The following AP3S2 variants were observed in gnomAD, a reference collection of about 807,000 sequenced individuals.
AP3S2 encodes adaptor related protein complex 3 subunit sigma 2.
In AP3S2, 22 loss-of-function variants were observed where a neutral mutation model predicts 23.4. The ratio of observed to expected loss-of-function variants is 0.94; its 90% CI spans 0.67 to 1.34. The LOEUF (loss-of-function observed/expected upper bound fraction) is 1.34. Ranked by LOEUF, AP3S2 falls within the 40% of genes most tolerant of loss-of-function variation. The pLI is 0.00. For missense variants in AP3S2, 241 were observed against 236.9 expected, an observed-to-expected ratio of 1.02 and a Z score of -0.11; for synonymous variants, 86 against 87.1, an observed-to-expected ratio of 0.99 and a Z score of 0.07.
intron 4 of AP3S2, among the ~76,000 whole-genome samples, chr15:89,848,363 C>A (rs781172899): frequency 5.3e-5 from 8 of 152,200 alleles, no homozygotes; most frequent in Admixed American, 2.6e-4. Flanking sequence ...GTGCTGATAG[C>A]TTTTTCTTTT....
chr15:89,855,517 T>A (rs1459794398), intron 4 of AP3S2, among the ~76,000 whole-genome samples: 1 of 125,756 alleles, frequency 8.0e-6, no homozygotes, highest in Non-Finnish European at 1.6e-5. Context: ...ACCCAAGAAT[T>A]ATCAATAAAA....
chr15:89,890,635 G>A (rs1466378427), intron 1 of AP3S2, among the ~76,000 whole-genome samples: 1 of 152,142 alleles, frequency 6.6e-6, no homozygotes, highest in Non-Finnish European at 1.5e-5. Flanking sequence ...AAGCACCCAG[G>A]CAATAACATT....
At chr15:89,869,726 G>A (rs371351187) in intron 4 of AP3S2, among the ~76,000 whole-genome samples, 2 of 151,910 alleles carry the variant, frequency 1.3e-5, no homozygotes, top group Admixed American at 6.6e-5. Flanking sequence ...TGGTAACTTC[G>A]AAAGTAACAC....
intron 4 of AP3S2, among the ~76,000 whole-genome samples, chr15:89,850,252 G>A (rs578262569): frequency 6.6e-6 from 1 of 152,234 alleles, no homozygotes; most frequent in Admixed American, 6.5e-5. Flanking sequence ...TTCCCTAGAT[G>A]TCTTCTTGTC....
At chr15:89,856,627 A>G (rs545921030) in intron 4 of AP3S2, among the ~76,000 whole-genome samples, 1 of 149,494 alleles carries the variant, frequency 6.7e-6, no homozygotes, top group Admixed American at 6.8e-5. Flanking sequence ...GCTTGAATCC[A>G]GGAGGCAGAG....
In AP3S2 at chr15:89,837,698, C is replaced by T. The variant is rs759488352; in HGVS notation, c.370G>A (p.Val124Met). Reference protein sequence around the residue: ...DKVHYILQEVVMGGMVLETNM... With the variant: ...DKVHYILQEVMMGGMVLETNM... ...GTTTCCAACACCATCCCACCCATCA[C>T]CACCTCCTGGAGGATGTAGTGCACC... The change falls in exon 5 of 6, where the codon GTG becomes ATG. Residue 124 changes from valine to methionine, a missense_variant. Transcript: ENST00000336418. The T allele has an allele frequency of 4.3e-6, 7 of 1,614,048 alleles. No individual in the cohort carries two copies. The East Asian group carries it at 1.3e-4, about 31-fold the overall frequency.
At chr15:89,891,231 CTG>C (rs1364854317) in intron 1 of AP3S2, among the ~76,000 whole-genome samples, 2 of 152,140 alleles carry the variant, frequency 1.3e-5, no homozygotes, top group Non-Finnish European at 2.9e-5. Flanking sequence ...TTTTAGTACT[CTG>C]TAGTTTTCAA....
At chr15:89,893,766 G>A (rs1031197129) in intron 1 of AP3S2, 115 bp downstream of exon 1, 1 of 1,008,996 alleles carries the variant, frequency 9.9e-7, no homozygotes, top group Admixed American at 2.5e-5. Context: ...GGTCATGCTC[G>A]GTGCAGGAGC....
intron 4 of AP3S2, among the ~76,000 whole-genome samples, chr15:89,839,341 C>T (rs546688299): frequency 1.3e-5 from 2 of 152,320 alleles, no homozygotes; most frequent in Non-Finnish European, 2.9e-5. Flanking sequence ...AATGTATTCC[C>T]TTGCGTGTGT....
At chr15:89,851,783 C>T (rs1371320634) in intron 4 of AP3S2, among the ~76,000 whole-genome samples, 2 of 142,824 alleles carry the variant, frequency 1.4e-5, no homozygotes, top group African/African-American at 5.2e-5. Flanking sequence ...TATTATGAGT[C>T]AGGGTTCTCC....
chr15:89,889,863 C>CAAAAAAAAAAAAA (rs940624860), intron 1 of AP3S2, among the ~76,000 whole-genome samples: 1 of 19,238 alleles, frequency 5.2e-5, no homozygotes, highest in Non-Finnish European at 1.1e-4. Context: ...GACTCCATCT[C>CAAAAAAAAAAAAA]AAAAAAAAAA....
intron 3 of AP3S2, among the ~76,000 whole-genome samples, chr15:89,874,436 T>C (rs1419458718): frequency 1.3e-5 from 2 of 152,194 alleles, no homozygotes; most frequent in African/African-American, 2.4e-5. Context: ...GGGTGCAGTC[T>C]TTCTAGGTAT....
In AP3S2 at chr15:89,830,805, G is replaced by C. The variant is rs1596180240; in HGVS notation, c.*4710C>G. On this transcript the variant is annotated 3_prime_UTR_variant, in exon 6 of 6. Coordinates refer to ENST00000336418, the MANE Select transcript of AP3S2 (RefSeq NM_005829.5). ...CGCTGAGCAAGGGCGGGCAGTGCCA[G>C]GGCTGGGGTGCCACTGTACAGGGTG... The C allele has an allele frequency of 6.6e-6, 1 of 152,638 alleles. No homozygotes were observed. Among genetic ancestry groups the C allele is most frequent in the East Asian group, 1.9e-4 (1 of 5,184 alleles). The allele number at this position is 152,638 out of a possible 1,614,324, so 9.5% of individuals were successfully genotyped here.
chr15:89,838,838 G>A (rs1430784270), intron 4 of AP3S2, among the ~76,000 whole-genome samples: 1 of 152,142 alleles, frequency 6.6e-6, no homozygotes, highest in Non-Finnish European at 1.5e-5. Context: ...ATGTTGGAAG[G>A]AGCAATTCAG....
At chr15:89,891,654 G>A (rs540857441) in intron 1 of AP3S2, among the ~76,000 whole-genome samples, 5,870 of 150,826 alleles carry the variant, frequency 0.039, 193 homozygotes, top group Middle Eastern at 0.061. Flanking sequence ...ATTCAGTCTC[G>A]GAGGGAAAAA....
At chr15:89,881,913 C>A (rs910687191) in intron 3 of AP3S2, among the ~76,000 whole-genome samples, 1 of 151,886 alleles carries the variant, frequency 6.6e-6, no homozygotes, top group Non-Finnish European at 1.5e-5. Flanking sequence ...CTCCACCTCC[C>A]GGGTTCAAGC....
At chr15:89,854,624 G>A (rs1444009779) in intron 4 of AP3S2, among the ~76,000 whole-genome samples, 3 of 55,706 alleles carry the variant, frequency 5.4e-5, no homozygotes, top group East Asian at 5.9e-4. Context: ...GGTGAGGGGC[G>A]CCTCTGCCCG....
chr15:89,848,691 AT>A (rs1272808645), intron 4 of AP3S2: 1 of 152,206 alleles, frequency 6.6e-6, no homozygotes, highest in Non-Finnish European at 1.5e-5. Flanking sequence ...GCTTCAGAAA[AT>A]AAGTAGGGAA....
At position 89,868,998 on chromosome 15, in the gene AP3S2, C is replaced by T. The variant is rs1189058556; in HGVS notation, c.345+2477G>A. Among the ~76,000 whole-genome samples, 37 of 148,028 alleles carry T rather than the reference C, an allele frequency of 2.5e-4. No individual in the cohort carries two copies. In the South Asian group the frequency reaches 3.6e-3, roughly 14 times the overall value. ...GCCGCCCCGTCCGGGAGGTGAGGGG[C>T]GCCTCTGCCTGGCCGCCCCTACTGG... On this transcript the variant is annotated intron_variant, in intron 4 of 5. Transcript: ENST00000336418.
Sources: allele counts gnomAD v4.1 joint callset (sites outside exome capture counted in the v4.1 genomes callset), GRCh38; gene constraint gnomAD v4.1.1; transcripts MANE v1.5; gene names NCBI Gene and HGNC (gene_info 2026-07-23, HGNC 2026-07-21).